Variants in SLC9B1 observed in about 807,000 individuals in gnomAD.
SLC9B1 encodes solute carrier family 9 member B1.
A neutral mutation model predicts 51.7 loss-of-function variants in SLC9B1; 32 were observed. The ratio of observed to expected loss-of-function variants is 0.62; its 90% CI spans 0.47 to 0.83. SLC9B1 has a LOEUF of 0.83. Among genes scored for constraint, SLC9B1 ranks in the 40% least tolerant of loss-of-function variants. The pLI is 0.00. For missense variants in SLC9B1, 406 were observed against 613.2 expected, an observed-to-expected ratio of 0.66 and a Z score of 3.57; for synonymous variants, 145 against 212.7, an observed-to-expected ratio of 0.68 and a Z score of 2.77.
chr4:102,948,859 G>T (rs1432391452), intron 4 of SLC9B1, among the ~76,000 whole-genome samples: 1 of 152,070 alleles, frequency 6.6e-6, no homozygotes, highest in African/African-American at 2.4e-5. Context: ...TACCTATTGG[G>T]TATAGTATTC....
rs199714147 is a variant in SLC9B1 at position 102,955,899 on chromosome 4, A to AAGAAAGAAAGAG, written c.212-6473_212-6472insCTCTTTCTTTCT. ...AAAGAAAGAAAGAAAGAAAGAAAGA[A>AAGAAAGAAAGAG]AGAGAGAGAAAGACCCACATGCAAG... On this transcript the variant is annotated intron_variant, in intron 3 of 11. Coordinates refer to ENST00000296422, the MANE Select transcript of SLC9B1 (RefSeq NM_139173.4). 2.5e-3 allele frequency among the ~76,000 whole-genome samples: 275 copies of AAGAAAGAAAGAG among 107,906 alleles called. 2 individuals are homozygous for AAGAAAGAAAGAG. The highest frequency in any genetic ancestry group is 0.011 in the South Asian group (39 of 3,700). 70.8% of individuals were successfully genotyped at this position (107,906 alleles called of 152,430 possible).
intron 1 of SLC9B1, among the ~76,000 whole-genome samples, chr4:102,997,793 A>G (rs999723240): frequency 3.3e-5 from 5 of 152,180 alleles, no homozygotes; most frequent in African/African-American, 1.2e-4. Flanking sequence ...AAAAATATCT[A>G]TACTTAACCT....
At position 102,943,741 on chromosome 4, in the gene SLC9B1, G is replaced by C. The variant is rs1239513986; in HGVS notation, c.653+1452C>G. The stretch of plus-strand genomic sequence containing the variant: ...GATACAATGGGCTTTGGGGACTTAG[G>C]GGGAAGAGTAGGAGGAGGGTGAGCG... On this transcript the variant is annotated intron_variant, in intron 6 of 11. Transcript: ENST00000296422. 3.3e-5 allele frequency among the ~76,000 whole-genome samples: 5 copies of C among 152,274 alleles called. No individual in the cohort carries two copies. The East Asian group carries it at 9.6e-4, about 29-fold the overall frequency.
chr4:102,929,772 T>G (rs9991335), intron 7 of SLC9B1, among the ~76,000 whole-genome samples: 2 of 152,212 alleles, frequency 1.3e-5, no homozygotes, highest in East Asian at 3.9e-4. Flanking sequence ...TCCACCCACT[T>G]TGGCCTCCCA....
At position 102,901,038 on chromosome 4, in the gene SLC9B1, C is replaced by T; in HGVS notation, c.*79G>A. 1 of 1,590,818 alleles carries T rather than the reference C, an allele frequency of 6.3e-7. No individual in the cohort carries two copies. Among genetic ancestry groups the T allele is most frequent in the South Asian group, 1.1e-5 (1 of 89,908 alleles). ...TCCTGGATTCTCTGTACAGTCCCCA[C>T]ATATTTCTACTTTAAAATTCTTCTG... On this transcript the variant is annotated 3_prime_UTR_variant, in exon 12 of 12. Transcript: ENST00000296422.
chr4:102,926,607 C>T (rs890454290), intron 7 of SLC9B1, among the ~76,000 whole-genome samples: 3 of 152,058 alleles, frequency 2.0e-5, no homozygotes, highest in African/African-American at 7.2e-5. Context: ...AGGACACAAA[C>T]AAATTGAAGA....
At chr4:102,944,613 G>A (rs573866819) in intron 6 of SLC9B1, among the ~76,000 whole-genome samples, 17 of 152,360 alleles carry the variant, frequency 1.1e-4, no homozygotes, top group African/African-American at 3.8e-4. Flanking sequence ...GAATGGATAA[G>A]CAGAGACAAA....
chr4:102,956,622 TAAC>T (rs894852148), intron 3 of SLC9B1, among the ~76,000 whole-genome samples: 8 of 151,744 alleles, frequency 5.3e-5, no homozygotes, highest in East Asian at 1.9e-4. Context: ...AAAACAACAA[TAAC>T]AACAACAACA....
chr4:103,002,251 T>C (rs1397640969), intron 1 of SLC9B1, among the ~76,000 whole-genome samples: 1 of 152,228 alleles, frequency 6.6e-6, no homozygotes, highest in African/African-American at 2.4e-5. Context: ...CTACTGTCCA[T>C]ACTTTCCTAT....
intron 6 of SLC9B1, among the ~76,000 whole-genome samples, chr4:102,933,378 G>A (rs1736560422): frequency 6.6e-6 from 1 of 152,224 alleles, no homozygotes; most frequent in African/African-American, 2.4e-5. Context: ...GTGGGCTCAA[G>A]AAGAGACTAG....
chr4:102,971,435 A>C (rs1738755627), intron 3 of SLC9B1, among the ~76,000 whole-genome samples: 1 of 152,218 alleles, frequency 6.6e-6, no homozygotes, highest in Non-Finnish European at 1.5e-5. Context: ...GTTCTTTGAA[A>C]CCAACGAGAA....
chr4:103,008,020 T>C (rs898125737), intron 1 of SLC9B1, among the ~76,000 whole-genome samples: 2 of 152,220 alleles, frequency 1.3e-5, no homozygotes, highest in African/African-American at 4.8e-5. Context: ...GACTTCTTAC[T>C]GGTTTATATT....
At chr4:102,960,689 TCTA>T (rs1738059937) in intron 3 of SLC9B1, among the ~76,000 whole-genome samples, 1 of 152,098 alleles carries the variant, frequency 6.6e-6, no homozygotes, top group African/African-American at 2.4e-5. Flanking sequence ...TTTTAGTAGT[TCTA>T]CTAATAAGAA....
chr4:102,928,591 T>G (rs947278545), intron 7 of SLC9B1, among the ~76,000 whole-genome samples: 2 of 152,214 alleles, frequency 1.3e-5, no homozygotes, highest in Non-Finnish European at 2.9e-5. Flanking sequence ...ATAGCATTAC[T>G]CCATTACCTT....
downstream of SLC9B1, chr4:102,897,111 A>G (rs1265527930): frequency 6.5e-6 from 1 of 154,306 alleles, no homozygotes; most frequent in African/African-American, 2.4e-5. Flanking sequence ...CTCAATGGAA[A>G]ACAAATTGAT....
chr4:102,898,873 A>C (rs1183529397), downstream of SLC9B1, among the ~76,000 whole-genome samples: 4 of 152,146 alleles, frequency 2.6e-5, no homozygotes, highest in Non-Finnish European at 5.9e-5. Flanking sequence ...GACTACAGGC[A>C]CCTGCCACCA....
At position 102,932,175 on chromosome 4, in the gene SLC9B1, T is replaced by G. The variant is rs770379557; in HGVS notation, c.778A>C (p.Ile260Leu). The G allele has an allele frequency of 6.2e-7, 1 of 1,612,002 alleles. No individual in the cohort carries two copies. The highest frequency in any genetic ancestry group is 1.1e-5 in the South Asian group (1 of 90,990). Residue 260 changes from isoleucine (I) to leucine (L), a missense_variant, in exon 7 of 12, where the codon ATT becomes CTT. Physicochemically the swap from Ile to Leu is conservative, Grantham distance 5. Around this residue, in one of 6 missense-constraint regions of SLC9B1, gnomAD observed 250 missense variants for 394.1 expected, o/e 0.63. Coordinates refer to ENST00000296422, the MANE Select transcript of SLC9B1 (RefSeq NM_139173.4). ...GTATTGAATCCAGTGATAGCCAGAA[T>G]GTCATCCATACTGCTAGCAGCCATT... ...LLMAASSMDD[I>L]LAITGFNTCL...
intron 1 of SLC9B1, among the ~76,000 whole-genome samples, chr4:103,018,583 G>A (rs1009933448): frequency 7.2e-5 from 11 of 152,080 alleles, no homozygotes; most frequent in Non-Finnish European, 1.3e-4. Context: ...AGTGGGGTGT[G>A]GCCTCCCTCA....
intron 6 of SLC9B1, among the ~76,000 whole-genome samples, chr4:102,943,456 C>G (rs556858470): frequency 2.0e-5 from 3 of 150,648 alleles, no homozygotes; most frequent in African/African-American, 7.3e-5. Context: ...TGAATGCATA[C>G]AGAAAATGTG....
Sources: gnomAD v4.1 joint callset for allele counts (sites outside exome capture counted in the v4.1 genomes callset) on GRCh38, gnomAD v4.1.1 for gene constraint, gnomAD v4.1.1 regional missense constraint, MANE v1.5 for transcripts, NCBI Gene and HGNC (gene_info 2026-07-23, HGNC 2026-07-21) for gene names.